The following TTBK2 variants were observed in gnomAD, a reference collection of about 807,000 sequenced individuals.
TTBK2 encodes tau-tubulin kinase 2.
In TTBK2, 28 loss-of-function variants were observed where a neutral mutation model predicts 110.8. That is an observed-to-expected ratio of 0.25 (90% CI 0.19 to 0.35). TTBK2 has a LOEUF of 0.35. Ranked by LOEUF, TTBK2 falls within the 10% of genes least tolerant of loss-of-function variation. The pLI is 1.00. For missense variants in TTBK2, 1,369 were observed against 1,500.3 expected (o/e 0.91, Z 1.45); for synonymous variants, 532 against 527.3 (o/e 1.01, Z -0.12).
chr15:42,914,590 G>GA (rs896789310), intron 1 of TTBK2, among the ~76,000 whole-genome samples: 5 of 152,184 alleles, frequency 3.3e-5, no homozygotes, highest in Non-Finnish European at 7.3e-5. Flanking sequence ...ATATTGGAGG[G>GA]AGAGTGGGGA....
rs1238433708 is a variant in TTBK2 at position 42,859,090 on chromosome 15, TA to T, written c.217+13520del. 2.0e-5 allele frequency among the ~76,000 whole-genome samples: 3 copies of T among 152,232 alleles called. No individual in the cohort carries two copies. In the East Asian group the frequency reaches 5.8e-4, roughly 29 times the overall value. On this transcript the variant is annotated intron_variant, in intron 3 of 14. Coordinates refer to ENST00000267890, the MANE Select transcript of TTBK2 (RefSeq NM_173500.4). ...GAGTTTGTTTTATTTATTTATTTTTTATTTAATTTTAATTTTAATTTTTGTA... is the reference window on the plus strand; with the variant it reads ...GAGTTTGTTTTATTTATTTATTTTTTTTTAATTTTAATTTTAATTTTTGTA...
intron 4 of TTBK2, among the ~76,000 whole-genome samples, chr15:42,838,592 G>A (rs1160160651): frequency 6.6e-6 from 1 of 152,130 alleles, no homozygotes. Flanking sequence ...AAGGCAGGCA[G>A]ACCACCTGAG....
chr15:42,832,861 A>T (rs1318299055), intron 4 of TTBK2, among the ~76,000 whole-genome samples: 1 of 152,140 alleles, frequency 6.6e-6, no homozygotes, highest in African/African-American at 2.4e-5. Context: ...GGTTTTAGGC[A>T]TCCACTTGGG....
chr15:42,828,147 CA>C (rs1595956744), intron 5 of TTBK2, 115 bp from the exon 6 acceptor site: 2 of 766,556 alleles, frequency 2.6e-6, no homozygotes, highest in East Asian at 5.7e-5. Context: ...ACACATGTTC[CA>C]AATATACTAT....
At position 42,741,342 on chromosome 15, in the gene TTBK2, T is replaced by G. The variant is rs1325010489; in HGVS notation, c.*4453A>C. The stretch of plus-strand genomic sequence containing the variant: ...AAGTAAAGGTCTAAAAATGCACCTG[T>G]GGTTTCTGAACTTGGGTATACGCTG... On this transcript the variant is annotated 3_prime_UTR_variant, in exon 15 of 15. Transcript: ENST00000267890. The G allele has an allele frequency of 6.6e-6, 1 of 152,246 alleles. No homozygotes were observed. The highest frequency in any genetic ancestry group is 1.5e-5 in the Non-Finnish European group (1 of 68,048). The allele number at this position is 152,246 out of a possible 1,614,324, so 9.4% of individuals were successfully genotyped here. A position where few individuals can be genotyped will look rare whatever the true frequency, so the allele number is the denominator to read the frequency against.
At chr15:42,870,434 G>A (rs1305654780) in intron 3 of TTBK2, among the ~76,000 whole-genome samples, 3 of 151,898 alleles carry the variant, frequency 2.0e-5, no homozygotes, top group Admixed American at 6.6e-5. Flanking sequence ...AAAAGACTAC[G>A]AGAAAGAAAA....
At chr15:42,800,302 C>A in intron 9 of TTBK2, 1 of 440,068 alleles carries the variant, frequency 2.3e-6, no homozygotes, top group South Asian at 1.7e-5. Flanking sequence ...TACATAGATG[C>A]TTGGTGCAAG....
intron 1 of TTBK2, among the ~76,000 whole-genome samples, chr15:42,884,242 A>C (rs1363141419): frequency 1.3e-5 from 2 of 152,228 alleles, no homozygotes; most frequent in Non-Finnish European, 2.9e-5. Context: ...AATTGTCAAG[A>C]ATACAGAAGC....
intron 11 of TTBK2, among the ~76,000 whole-genome samples, chr15:42,782,324 G>C (rs774012184): frequency 6.6e-6 from 1 of 152,240 alleles, no homozygotes; most frequent in South Asian, 2.1e-4. Flanking sequence ...CGCCCACCTT[G>C]GCCTCCCAAA....
intron 3 of TTBK2, among the ~76,000 whole-genome samples, chr15:42,841,311 C>A (rs138626829): frequency 0.016 from 2,464 of 152,208 alleles, 65 homozygotes; most frequent in African/African-American, 0.056. Flanking sequence ...GAGGGCTCAA[C>A]TGATCCTCCC....
At chr15:42,826,269 A>T (rs981024212) in intron 6 of TTBK2, among the ~76,000 whole-genome samples, 3 of 152,016 alleles carry the variant, frequency 2.0e-5, no homozygotes, top group African/African-American at 4.8e-5. Context: ...TTTATTTTAG[A>T]TTTATTATTA....
chr15:42,901,601 C>G (rs8024449), intron 1 of TTBK2, among the ~76,000 whole-genome samples: 1 of 145,262 alleles, frequency 6.9e-6, no homozygotes, highest in African/African-American at 2.6e-5. Context: ...GGCAAAATAG[C>G]GAGACCTCGT....
intron 14 of TTBK2, among the ~76,000 whole-genome samples, chr15:42,748,720 GCACTCTT>G (rs992892996): frequency 1.2e-4 from 19 of 152,078 alleles, no homozygotes; most frequent in African/African-American, 4.6e-4. Flanking sequence ...GCCCTGGAAA[GCACTCTT>G]CACTGGTTTA....
intron 13 of TTBK2, among the ~76,000 whole-genome samples, chr15:42,757,260 C>T (rs2061960438): frequency 6.9e-6 from 1 of 144,948 alleles, no homozygotes; most frequent in Non-Finnish European, 1.5e-5. Context: ...GCATGTAGCA[C>T]CACACCAGCT....
Position 42,775,214 on chromosome 15 carries a change from T to A in TTBK2, c.1919A>T (p.Gln640Leu). ...AATAAACTGACTAGCAGCTCCAGGC[T>A]GGAGTTCCAGCCTATCTGTATATTG... ...SEQYTDRLEL[Q>L]PGAASQFIAA... The change falls in exon 13 of 15, where the codon CAG (glutamine) becomes CTG (leucine). Residue 640 changes from glutamine to leucine, a missense_variant. Gln to Leu is a moderately radical substitution (Grantham distance 113, BLOSUM62 -2). This residue lies in a region of TTBK2 where 1,097 missense variants were observed against 1,114.7 expected (regional missense o/e 0.98). Coordinates refer to ENST00000267890, the MANE Select transcript of TTBK2 (RefSeq NM_173500.4). 6.2e-7 allele frequency: 1 copy of A among 1,614,246 alleles called. No homozygotes were observed.
chr15:42,872,820 T>C (rs1002947604), intron 2 of TTBK2, 62 bp from the exon 3 acceptor site: 15 of 1,584,078 alleles, frequency 9.5e-6, no homozygotes, highest in South Asian at 2.3e-5. Context: ...TTGAAAGCAA[T>C]TGATCTCTTA....
At chr15:42,801,436 G>T in intron 9 of TTBK2, 1 of 910,904 alleles carries the variant, frequency 1.1e-6, no homozygotes. Flanking sequence ...AAGCCCTCTG[G>T]CCTTTGAGAC....
chr15:42,885,160 G>A (rs1895192274), intron 1 of TTBK2, among the ~76,000 whole-genome samples: 1 of 152,166 alleles, frequency 6.6e-6, no homozygotes, highest in African/African-American at 2.4e-5. Context: ...CTGTTTGGTG[G>A]TCTCTTCACA....
intron 7 of TTBK2, among the ~76,000 whole-genome samples, chr15:42,815,432 C>A (rs141269040): frequency 6.6e-6 from 1 of 152,220 alleles, no homozygotes. Context: ...AGAAAAGAAT[C>A]AACAAGAAAT....
Sources: gnomAD v4.1 joint callset for allele counts (sites outside exome capture counted in the v4.1 genomes callset) on GRCh38, gnomAD v4.1.1 for gene constraint, gnomAD v4.1.1 regional missense constraint, MANE v1.5 for transcripts, NCBI Gene and HGNC (gene_info 2026-07-23, HGNC 2026-07-21) for gene names.